The following CSMD3 variants were observed in gnomAD, a reference collection of about 807,000 sequenced individuals.
CSMD3 encodes CUB and Sushi multiple domains 3.
A neutral mutation model predicts 435.2 loss-of-function variants in CSMD3; 177 were observed. The ratio of observed to expected loss-of-function variants is 0.41; its 90% confidence interval spans 0.36 to 0.46. The LOEUF (loss-of-function observed/expected upper bound fraction) is 0.46, where lower values mean the gene tolerates loss of function less well. CSMD3 is among the 20% of genes least tolerant of loss of function. The pLI is 0.34. For synonymous variants in CSMD3, 1,656 were observed against 1,520.5 expected (o/e 1.09, Z -2.07); for missense variants, 4,265 against 4,504.6 (o/e 0.95, Z 1.52).
chr8:112,936,405 T>C (rs551718992), intron 9 of CSMD3, among the ~76,000 whole-genome samples: 1 of 152,252 alleles, frequency 6.6e-6, no homozygotes, highest in African/African-American at 2.4e-5. Flanking sequence ...ATATTTTCTT[T>C]CACAAAATTT....
intron 19 of CSMD3, among the ~76,000 whole-genome samples, chr8:112,648,999 C>T (rs999349337): frequency 2.0e-5 from 3 of 152,156 alleles, no homozygotes; most frequent in African/African-American, 7.2e-5. Context: ...GAAGAGCTCT[C>T]CTTCCTCTCT....
chr8:113,202,170 C>T (rs1522065), intron 3 of CSMD3, among the ~76,000 whole-genome samples: 103,177 of 152,018 alleles, frequency 0.68, 37,054 homozygotes, highest in East Asian at 0.96. Flanking sequence ...TTTCACTGCA[C>T]AATGGCTGCA....
At chr8:113,270,155 G>A (rs1303199291) in intron 3 of CSMD3, among the ~76,000 whole-genome samples, 1 of 152,144 alleles carries the variant, frequency 6.6e-6, no homozygotes, top group Non-Finnish European at 1.5e-5. Context: ...TGAGGGATAT[G>A]AACAGACACT....
intron 22 of CSMD3, among the ~76,000 whole-genome samples, chr8:112,619,868 A>G (rs13261761): frequency 0.56 from 84,335 of 151,870 alleles, 23,731 homozygotes; most frequent in African/African-American, 0.62. Context: ...CATAATAGTG[A>G]GACATTAAGA....
Position 112,954,781 on chromosome 8 carries a change from A to C in CSMD3, c.1343-20T>G. ...TTTTCACTAGTTAAGAAAACAAACA[A>C]AAACATGTATCAGGAAATACAATTT... On this transcript the variant is annotated intron_variant, in intron 7 of 70. Transcript: ENST00000297405. 1 of 1,298,454 alleles carries C rather than the reference A, an allele frequency of 7.7e-7. No individual in the cohort carries two copies. Among genetic ancestry groups the C allele is most frequent in the South Asian group, 1.2e-5 (1 of 84,326 alleles). The allele number at this position is 1,298,454 out of a possible 1,614,324, so 80.4% of individuals were successfully genotyped here.
At chr8:113,258,341 C>G (rs1161303875) in intron 3 of CSMD3, among the ~76,000 whole-genome samples, 1 of 152,170 alleles carries the variant, frequency 6.6e-6, no homozygotes. Flanking sequence ...GCTTGTTATT[C>G]TGACACTGTG....
In CSMD3 at chr8:112,311,105, C is replaced by T. The variant is rs771542064; in HGVS notation, c.7758G>A (p.Gly2586=). The change falls in exon 50 of 71, where the codon GGG becomes GGA. Residue 2586 remains glycine, a synonymous_variant. Transcript: ENST00000297405. ...CCCAACGGACCACACTGTTAAGCTGCCCACCTGTCTGACTGATAATATATC... is the reference window on the plus strand; with the variant it reads ...CCCAACGGACCACACTGTTAAGCTGTCCACCTGTCTGACTGATAATATATC... ...PHGYIISQTG[G]QLNSVVRWAC... 4 of 1,613,842 alleles carry T rather than the reference C, an allele frequency of 2.5e-6. No homozygotes were observed. Among genetic ancestry groups the T allele is most frequent in the East Asian group, 4.5e-5 (2 of 44,868 alleles).
At chr8:112,363,426 A>C in intron 38 of CSMD3, among the ~76,000 whole-genome samples, 1 of 152,028 alleles carries the variant, frequency 6.6e-6, no homozygotes, top group East Asian at 1.9e-4. Context: ...GTATTAATAC[A>C]AAAAATATAT....
intron 13 of CSMD3, among the ~76,000 whole-genome samples, chr8:112,762,237 C>T (rs901934168): frequency 6.6e-6 from 1 of 151,930 alleles, no homozygotes; most frequent in Non-Finnish European, 1.5e-5. Flanking sequence ...ACTTTGCTTA[C>T]AGAGACTTAA....
chr8:113,338,335 CA>C (rs1308228779), intron 1 of CSMD3, among the ~76,000 whole-genome samples: 3 of 151,822 alleles, frequency 2.0e-5, no homozygotes, highest in Non-Finnish European at 2.9e-5. Flanking sequence ...GCAAATTCCT[CA>C]ATAGATTATA....
chr8:113,394,819 T>C (rs548607776), intron 1 of CSMD3, among the ~76,000 whole-genome samples: 195 of 152,280 alleles, frequency 1.3e-3, no homozygotes, highest in Admixed American at 2.9e-3. Context: ...TTTAACTATG[T>C]TAAGCACTAT....
chr8:112,661,333 T>G (rs1223268862), intron 17 of CSMD3, among the ~76,000 whole-genome samples: 1 of 152,126 alleles, frequency 6.6e-6, no homozygotes, highest in Non-Finnish European at 1.5e-5. Context: ...ATTTGGAGAA[T>G]TCTAAAGGTA....
At chr8:112,241,606 G>A (rs182850000) in intron 66 of CSMD3, 114 bp downstream of exon 66, 2 of 730,462 alleles carry the variant, frequency 2.7e-6, no homozygotes, top group African/African-American at 3.6e-5. Flanking sequence ...ATTCAAGACA[G>A]TCATAGTTTT....
At chr8:112,358,629 T>A (rs1826872931) in intron 38 of CSMD3, among the ~76,000 whole-genome samples, 1 of 152,194 alleles carries the variant, frequency 6.6e-6, no homozygotes, top group African/African-American at 2.4e-5. Flanking sequence ...ACAAGTTCCC[T>A]CTCTTTGCCT....
chr8:113,068,636 T>C (rs568210499), intron 5 of CSMD3, among the ~76,000 whole-genome samples: 1 of 152,144 alleles, frequency 6.6e-6, no homozygotes, highest in East Asian at 1.9e-4. Flanking sequence ...AATTAAGAGG[T>C]CCTATTAGAT....
chr8:112,996,967 C>T (rs1209775192), intron 6 of CSMD3, among the ~76,000 whole-genome samples: 2 of 151,590 alleles, frequency 1.3e-5, no homozygotes, highest in African/African-American at 4.8e-5. Context: ...GCTGTCTTCT[C>T]ATAGCCTGAT....
At chr8:112,602,609 C>T (rs897292657) in intron 22 of CSMD3, among the ~76,000 whole-genome samples, 1 of 150,088 alleles carries the variant, frequency 6.7e-6, no homozygotes, top group African/African-American at 2.4e-5. Context: ...TAGTGTCTAA[C>T]TTTTGACTTC....
chr8:112,607,516 C>T (rs1037100313), intron 22 of CSMD3, among the ~76,000 whole-genome samples: 1 of 151,906 alleles, frequency 6.6e-6, no homozygotes, highest in African/African-American at 2.4e-5. Context: ...CAAAGACAGA[C>T]AAGATACTAC....
At chr8:113,192,870 CA>C (rs2092605432) in intron 3 of CSMD3, among the ~76,000 whole-genome samples, 1 of 151,576 alleles carries the variant, frequency 6.6e-6, no homozygotes, top group Non-Finnish European at 1.5e-5. Flanking sequence ...AGAACTTCTT[CA>C]GAAATCAGAT....
Sources: allele counts gnomAD v4.1 joint callset (sites outside exome capture counted in the v4.1 genomes callset), GRCh38; gene constraint gnomAD v4.1.1; transcripts MANE v1.5; gene names NCBI Gene and HGNC (gene_info 2026-07-23, HGNC 2026-07-21).